The following TDRD12 variants were observed in gnomAD, a reference collection of about 807,000 sequenced individuals.
TDRD12 encodes putative ATP-dependent RNA helicase TDRD12.
TDRD12 carries 158 observed loss-of-function variants against 133.5 expected under a neutral mutation model. The observed-to-expected ratio is 1.18, with a 90% CI of 1.04 to 1.35. TDRD12 has a LOEUF of 1.35. Among genes scored for constraint, TDRD12 ranks in the 40% most tolerant of loss-of-function variants. TDRD12 has a pLI of 0.00. For missense variants in TDRD12, 1,443 were observed against 1,321.3 expected (o/e 1.09, Z -1.43); for synonymous variants, 460 against 477.9 (o/e 0.96, Z 0.49).
chr19:32,747,242 C>G (rs1299189998), intron 4 of TDRD12, among the ~76,000 whole-genome samples: 1 of 152,150 alleles, frequency 6.6e-6, no homozygotes, highest in African/African-American at 2.4e-5. Context: ...TATTAGTAAT[C>G]TACTACATTT....
chr19:32,756,204 A>T, intron 7 of TDRD12, 23 bp downstream of exon 7: 1 of 1,393,634 alleles, frequency 7.2e-7, no homozygotes, highest in Non-Finnish European at 9.3e-7. Context: ...TCATCATATC[A>T]ATTTCCCTTA....
At position 32,720,090 on chromosome 19, in the gene TDRD12, GC is replaced by G. The variant is rs1477499128; in HGVS notation, c.19del (p.Leu7Ter). 1 of 1,548,240 alleles carries G rather than the reference GC, an allele frequency of 6.5e-7. No individual in the cohort carries two copies. The highest frequency in any genetic ancestry group is 8.7e-7 in the Non-Finnish European group (1 of 1,146,248). On this transcript the variant is annotated frameshift_variant, in exon 1 of 28. Transcript: ENST00000444215. LOFTEE classifies it high-confidence loss of function. ...CCAGGAGGATGCTCCAGCTCCTGGT[GC>G]TGAAGGTGAGCGCCGCCAAGCCAGA...
chr19:32,784,880 CTTT>C (rs1258725896), intron 11 of TDRD12, among the ~76,000 whole-genome samples: 3 of 151,984 alleles, frequency 2.0e-5, no homozygotes, highest in African/African-American at 4.8e-5. Flanking sequence ...CTCTTTTCTT[CTTT>C]ATTAGTCTTG....
At chr19:32,803,013 A>C (rs2145704659) in exon 21 of TDRD12, 1 of 1,536,008 alleles carries the variant, frequency 6.5e-7, no homozygotes, top group South Asian at 1.2e-5. Context: ...GTCCTGCGCT[A>C]CTTGGAGCGA....
chr19:32,738,051 C>T (rs189430907), intron 2 of TDRD12, among the ~76,000 whole-genome samples: 2 of 152,094 alleles, frequency 1.3e-5, no homozygotes, highest in East Asian at 1.9e-4. Flanking sequence ...ACAGGAGAAT[C>T]GCTTGAGCCC....
chr19:32,791,482 C>G (rs1357401843), intron 13 of TDRD12, among the ~76,000 whole-genome samples: 1 of 151,904 alleles, frequency 6.6e-6, no homozygotes, highest in East Asian at 1.9e-4. Context: ...CTACTTTTTT[C>G]CTGATTAAAA....
chr19:32,742,912 T>TA lies in TDRD12; in HGVS notation c.440+12_440+13insA. On this transcript the variant is annotated intron_variant, in intron 4 of 27. Coordinates refer to ENST00000444215, the Ensembl canonical transcript of TDRD12. ...AGTACTGACATTGTGTAAGTACAGT[T>TA]TCTTAAGTCCTTCGAATCATTAGTA... is the stretch of plus-strand genomic sequence containing the variant. 2 of 1,548,396 alleles carry TA rather than the reference T, an allele frequency of 1.3e-6. No individual in the cohort carries two copies. Among genetic ancestry groups the TA allele is most frequent in the African/African-American group, 2.7e-5 (2 of 72,978 alleles).
intron 11 of TDRD12, among the ~76,000 whole-genome samples, chr19:32,780,500 ACTGTCCTTCCAGACC>A (rs1970732251): frequency 6.6e-6 from 1 of 152,236 alleles, no homozygotes; most frequent in African/African-American, 2.4e-5. Flanking sequence ...AGGGTCAGAC[ACTGTCCTTCCAGACC>A]CGAGCCCTCT....
intron 10 of TDRD12, among the ~76,000 whole-genome samples, chr19:32,776,193 G>A (rs536090346): frequency 6.6e-6 from 1 of 152,216 alleles, no homozygotes; most frequent in Non-Finnish European, 1.5e-5. Flanking sequence ...TGGCCAGATA[G>A]TTTCTCTTGG....
At chr19:32,821,139 G>C in exon 28 of TDRD12, 1 of 1,535,440 alleles carries the variant, frequency 6.5e-7, no homozygotes, top group South Asian at 1.2e-5. Context: ...CCAGAAGCCT[G>C]GTGGGTACTT....
intron 25 of TDRD12, 132 bp from the exon 26 acceptor site, chr19:32,815,316 C>T (rs17304583): frequency 0.052 from 37,191 of 711,076 alleles, 2,430 homozygotes; most frequent in East Asian, 0.31. Context: ...AAGCCCTGCA[C>T]GTTGTGGCAA....
intron 21 of TDRD12, among the ~76,000 whole-genome samples, chr19:32,806,978 A>T (rs1267840346): frequency 6.6e-6 from 1 of 152,166 alleles, no homozygotes. Context: ...ACTGACTTTT[A>T]AAACGGCAAT....
At chr19:32,769,719 C>T (rs1206128014) in intron 8 of TDRD12, among the ~76,000 whole-genome samples, 1 of 152,130 alleles carries the variant, frequency 6.6e-6, no homozygotes, top group Admixed American at 6.5e-5. Flanking sequence ...TCACCACAAC[C>T]TCCGCCTCCT....
At position 32,770,658 on chromosome 19, in the gene TDRD12, G is replaced by A. The variant is rs530535702; in HGVS notation, c.866-2095G>A. On this transcript the variant is annotated intron_variant, in intron 8 of 27. Transcript: ENST00000444215. ...TTGCTTGGGTTCGAATCCCAGATCT[G>A]TTCTTTATTAGCTGAAATAAACATG... Among the ~76,000 whole-genome samples, 28 of 152,154 alleles carry A rather than the reference G, an allele frequency of 1.8e-4. No homozygotes were observed. In the South Asian group the frequency reaches 4.2e-3, roughly 23 times the overall value.
At chr19:32,758,998 T>C (rs1284968301) in intron 8 of TDRD12, among the ~76,000 whole-genome samples, 1 of 151,350 alleles carries the variant, frequency 6.6e-6, no homozygotes, top group Non-Finnish European at 1.5e-5. Context: ...TCCTAGCACT[T>C]TGGGAGACCG....
chr19:32,742,692 T>A (rs1969467110), intron 3 of TDRD12, 89 bp from the exon 4 acceptor site: 5 of 1,283,106 alleles, frequency 3.9e-6, no homozygotes, highest in African/African-American at 1.5e-5. Flanking sequence ...TGTTTTACAT[T>A]AAGTGTATTA....
intron 8 of TDRD12, 34 bp downstream of exon 8, chr19:32,757,164 A>G (rs1970020559): frequency 6.8e-7 from 1 of 1,476,230 alleles, no homozygotes; most frequent in Non-Finnish European, 9.2e-7. Flanking sequence ...TTTCATAGGC[A>G]GCATGAAAAA....
At chr19:32,765,670 T>A (rs1263526256) in intron 8 of TDRD12, among the ~76,000 whole-genome samples, 2 of 143,980 alleles carry the variant, frequency 1.4e-5, no homozygotes, top group Admixed American at 1.5e-4. Context: ...TTCTCACTCA[T>A]AGGTGGGAAG....
At position 32,763,218 on chromosome 19, in the gene TDRD12, T is replaced by C. The variant is rs77010554; in HGVS notation, c.865+6088T>C. On this transcript the variant is annotated intron_variant, in intron 8 of 27. Transcript: ENST00000444215. ...TGCCCTTGTTTTTTTGTTCCTCTTT[T>C]GACTTTGCTCTTTTTCTACCATTTG... 8.6e-3 allele frequency among the ~76,000 whole-genome samples: 1,304 copies of C among 152,350 alleles called. 41 individuals carry two copies. The East Asian group carries it at 0.1, about 12-fold the overall frequency.
Sources: gnomAD v4.1 joint callset for allele counts (sites outside exome capture counted in the v4.1 genomes callset) on GRCh38, gnomAD v4.1.1 for gene constraint, MANE v1.5 for transcripts, NCBI Gene and HGNC (gene_info 2026-07-23, HGNC 2026-07-21) for gene names.